GLIS3: variants seen among roughly 807,000 people sequenced by gnomAD.
GLIS3 encodes GLIS family zinc finger 3.
GLIS3 carries 53 observed loss-of-function variants against 78.6 expected under a neutral mutation model. The ratio of observed to expected loss-of-function variants is 0.67; its 90% confidence interval spans 0.54 to 0.85. GLIS3 has a LOEUF of 0.85. Among genes scored for constraint, GLIS3 ranks in the 40% least tolerant of loss-of-function variants. The probability of loss-of-function intolerance (pLI) is 0.00; values close to 1 mark genes in which losing one functional copy is unlikely to be tolerated. For synonymous variants in GLIS3, 684 were observed against 509.9 expected, an observed-to-expected ratio of 1.34 and a Z score of -4.60; for missense variants, 1,703 against 1,231.1, an observed-to-expected ratio of 1.38 and a Z score of -5.74.
chr9:4,461,751 G>A, the GLIS3 span, among the ~76,000 whole-genome samples: 1 of 152,140 alleles, frequency 6.6e-6, no homozygotes, highest in Non-Finnish European at 1.5e-5. Flanking sequence ...AATATCAGCA[G>A]CCATGTCCCA....
At chr9:4,464,735 A>C in the GLIS3 span, among the ~76,000 whole-genome samples, 4 of 152,222 alleles carry the variant, frequency 2.6e-5, no homozygotes, top group Non-Finnish European at 5.9e-5. Context: ...ATAAAAAGAA[A>C]ATAAGTTCAA....
intron 2 of GLIS3, among the ~76,000 whole-genome samples, chr9:4,327,236 G>A (rs1817614857): frequency 6.6e-6 from 1 of 152,218 alleles, no homozygotes; most frequent in Non-Finnish European, 1.5e-5. Flanking sequence ...AAAGGCCAGA[G>A]CAGTGAGACT....
At chr9:3,982,996 C>G (rs1394167184) in intron 4 of GLIS3, among the ~76,000 whole-genome samples, 1 of 152,158 alleles carries the variant, frequency 6.6e-6, no homozygotes, top group Non-Finnish European at 1.5e-5. Flanking sequence ...AAACAACATT[C>G]TCTTGCGCTT....
the GLIS3 span, among the ~76,000 whole-genome samples, chr9:4,475,636 G>C: frequency 2.6e-5 from 4 of 152,240 alleles, 1 homozygote; most frequent in Middle Eastern, 0.01. Context: ...GAATGAGGAA[G>C]ATTTCAGTAT....
At chr9:4,240,602 A>T (rs1823209136) in intron 2 of GLIS3, among the ~76,000 whole-genome samples, 1 of 152,222 alleles carries the variant, frequency 6.6e-6, no homozygotes, top group African/African-American at 2.4e-5. Flanking sequence ...TTCTTCACAT[A>T]ATCAATATAA....
chr9:4,367,934 G>C, the GLIS3 span, among the ~76,000 whole-genome samples: 5 of 152,176 alleles, frequency 3.3e-5, no homozygotes, highest in Admixed American at 1.3e-4. Context: ...AGTTCAGAGA[G>C]GTTTGTGTAG....
chr9:4,250,812 T>C (rs998691944), intron 2 of GLIS3, among the ~76,000 whole-genome samples: 2 of 152,218 alleles, frequency 1.3e-5, no homozygotes, highest in African/African-American at 4.8e-5. Context: ...GTACGTTGTG[T>C]CTTTGTTCTC....
the GLIS3 span, among the ~76,000 whole-genome samples, chr9:4,355,111 G>A: frequency 8.7e-5 from 13 of 149,124 alleles, no homozygotes; most frequent in South Asian, 4.3e-4. Flanking sequence ...TAGCCTGGGC[G>A]ACAGAGCGAG....
chr9:4,269,484 T>TC (rs1210754840), intron 2 of GLIS3, among the ~76,000 whole-genome samples: 1 of 152,186 alleles, frequency 6.6e-6, no homozygotes, highest in Non-Finnish European at 1.5e-5. Context: ...CAACGTTATA[T>TC]CAGTTATATC....
chr9:4,095,564 G>A (rs1309243743), intron 4 of GLIS3, among the ~76,000 whole-genome samples: 3 of 152,166 alleles, frequency 2.0e-5, no homozygotes, highest in Non-Finnish European at 4.4e-5. Context: ...AGAAGAGGAA[G>A]AGTCTGGGCC....
intron 1 of GLIS3, among the ~76,000 whole-genome samples, chr9:4,288,395 T>C (rs949038825): frequency 1.3e-5 from 2 of 152,190 alleles, no homozygotes; most frequent in Non-Finnish European, 2.9e-5. Context: ...TTGTTCAACA[T>C]GACTGGAAAT....
intron 2 of GLIS3, among the ~76,000 whole-genome samples, chr9:4,261,354 G>C (rs1033520261): frequency 5.3e-5 from 8 of 152,100 alleles, no homozygotes; most frequent in African/African-American, 1.7e-4. Flanking sequence ...AAGAGAAATA[G>C]GGATGGAAGA....
chr9:4,314,513 T>C (rs917183722), intron 2 of GLIS3, among the ~76,000 whole-genome samples: 1 of 152,262 alleles, frequency 6.6e-6, no homozygotes, highest in African/African-American at 2.4e-5. Flanking sequence ...ACTTTGATGA[T>C]GCTATGTGGT....
At chr9:4,367,486 A>C in the GLIS3 span, among the ~76,000 whole-genome samples, 10 of 151,866 alleles carry the variant, frequency 6.6e-5, no homozygotes, top group Non-Finnish European at 1.2e-4. Flanking sequence ...CTAACCACTC[A>C]TAACACTCCA....
At chr9:3,973,228 C>T (rs1180346934) in intron 4 of GLIS3, among the ~76,000 whole-genome samples, 1 of 152,118 alleles carries the variant, frequency 6.6e-6, no homozygotes, top group African/African-American at 2.4e-5. Flanking sequence ...TGACAATATA[C>T]ACGGAGTACT....
rs1831972331 is a variant in GLIS3 at position 4,118,923 on chromosome 9, A to G, written c.597-42T>C. ...AAAGGAAGAAAAAAAAAAGATAAAC[A>G]TTTTAGCAGGATACGGATTGCTTAA... On this transcript the variant is annotated intron_variant, in intron 3 of 10. Coordinates refer to ENST00000381971, the MANE Select transcript of GLIS3 (RefSeq NM_001042413.2). The surrounding 1 kb of genome is among the most constrained non-coding windows in gnomAD (Gnocchi z 4.7). The G allele has an allele frequency of 6.3e-7, 1 of 1,584,450 alleles. No homozygotes were observed.
chr9:4,406,394 T>A, the GLIS3 span, among the ~76,000 whole-genome samples: 2 of 152,306 alleles, frequency 1.3e-5, no homozygotes, highest in East Asian at 3.9e-4. Flanking sequence ...GATCTTGGCT[T>A]ACTGCAACCT....
intron 1 of GLIS3, among the ~76,000 whole-genome samples, chr9:4,293,221 A>T (rs1816179171): frequency 6.6e-6 from 1 of 152,234 alleles, no homozygotes. Flanking sequence ...ATCCTTCAAA[A>T]AGGGTAACAA....
At chr9:3,942,177 T>C (rs1815974859) in intron 4 of GLIS3, among the ~76,000 whole-genome samples, 1 of 152,222 alleles carries the variant, frequency 6.6e-6, no homozygotes, top group Non-Finnish European at 1.5e-5. Context: ...ATACCATTGC[T>C]GATGTCAACT....
Sources: allele counts gnomAD v4.1 joint callset (sites outside exome capture counted in the v4.1 genomes callset), GRCh38; gene constraint gnomAD v4.1.1; non-coding constraint Gnocchi (gnomAD v3.1); transcripts MANE v1.5; gene names NCBI Gene and HGNC (gene_info 2026-07-23, HGNC 2026-07-21).